SETBP1: variants seen among roughly 807,000 people sequenced by gnomAD.
SETBP1 encodes SET binding protein 1.
In SETBP1, 9 loss-of-function variants were observed where a neutral mutation model predicts 101.0. The ratio of observed to expected loss-of-function variants is 0.09; its 90% CI spans 0.05 to 0.16. The LOEUF (loss-of-function observed/expected upper bound fraction) is 0.16, where lower values mean the gene tolerates loss of function less well. Among genes scored for constraint, SETBP1 ranks in the 10% least tolerant of loss-of-function variants. The probability of loss-of-function intolerance (pLI) is 1.00; values close to 1 mark genes in which losing one functional copy is unlikely to be tolerated. For synonymous variants in SETBP1, 818 were observed against 788.5 expected (o/e 1.04, Z -0.63); for missense variants, 1,858 against 2,033.8 (o/e 0.91, Z 1.66).
intron 3 of SETBP1, chr18:44,876,717 T>C: frequency 6.5e-7 from 1 of 1,546,146 alleles, no homozygotes; most frequent in Non-Finnish European, 8.7e-7. Context: ...CTCTTCCTTT[T>C]CACAGTGAAC....
intron 2 of SETBP1, among the ~76,000 whole-genome samples, chr18:44,713,256 C>T (rs972932234): frequency 5.5e-4 from 84 of 152,064 alleles, no homozygotes; most frequent in African/African-American, 1.8e-3. Flanking sequence ...CGCGCCCGGC[C>T]TCAGCATCCC....
chr18:44,805,493 A>G (rs913849297), intron 2 of SETBP1, among the ~76,000 whole-genome samples: 1 of 151,704 alleles, frequency 6.6e-6, no homozygotes, highest in Non-Finnish European at 1.5e-5. Flanking sequence ...CAGTTATTCA[A>G]TTCTATGCTC....
chr18:45,001,444 A>G (rs547580779), intron 4 of SETBP1, among the ~76,000 whole-genome samples: 2 of 152,346 alleles, frequency 1.3e-5, no homozygotes, highest in South Asian at 4.1e-4. Context: ...AGGAAAGCCA[A>G]TACTGACTCC....
intron 2 of SETBP1, among the ~76,000 whole-genome samples, chr18:44,773,136 T>A (rs1379027254): frequency 6.6e-6 from 1 of 152,166 alleles, no homozygotes; most frequent in Non-Finnish European, 1.5e-5. Flanking sequence ...TTCATAATTA[T>A]CCATCTAAAA....
chr18:44,745,084 C>G (rs1007600641), intron 2 of SETBP1, among the ~76,000 whole-genome samples: 9 of 152,172 alleles, frequency 5.9e-5, no homozygotes, highest in Non-Finnish European at 1.0e-4. Context: ...TACTACCACC[C>G]AAACACCAGC....
chr18:44,812,234 T>C (rs2071879292), intron 2 of SETBP1, among the ~76,000 whole-genome samples: 1 of 152,110 alleles, frequency 6.6e-6, no homozygotes, highest in East Asian at 1.9e-4. Flanking sequence ...CACCGCCACA[T>C]ACACCCCTGC....
At chr18:45,040,314 C>A (rs1471948756) in intron 5 of SETBP1, among the ~76,000 whole-genome samples, 1 of 150,604 alleles carries the variant, frequency 6.6e-6, no homozygotes, top group Non-Finnish European at 1.5e-5. Context: ...ACTCCTGAGA[C>A]TTGATGGATT....
At chr18:44,824,956 T>C (rs2072201903) in intron 2 of SETBP1, among the ~76,000 whole-genome samples, 1 of 152,232 alleles carries the variant, frequency 6.6e-6, no homozygotes, top group South Asian at 2.1e-4. Context: ...TGCTCTTACT[T>C]GGAGTAGCTG....
At chr18:44,748,526 C>T (rs971970785) in intron 2 of SETBP1, among the ~76,000 whole-genome samples, 5 of 152,234 alleles carry the variant, frequency 3.3e-5, no homozygotes, top group Non-Finnish European at 2.9e-5. Context: ...CGTGGTCAAA[C>T]TTCAAGTAGC....
intron 5 of SETBP1, among the ~76,000 whole-genome samples, chr18:45,043,092 T>C (rs537778567): frequency 6.6e-6 from 1 of 152,350 alleles, no homozygotes; most frequent in Non-Finnish European, 1.5e-5. Context: ...AGATAATCCA[T>C]ACCTGAATAA....
intron 3 of SETBP1, among the ~76,000 whole-genome samples, chr18:44,902,350 G>A (rs187964118): frequency 6.6e-6 from 1 of 151,996 alleles, no homozygotes; most frequent in Admixed American, 6.5e-5. Flanking sequence ...ACATTATATA[G>A]TCTAATTGCT....
At chr18:45,051,622 C>T (rs1175385644) in intron 5 of SETBP1, among the ~76,000 whole-genome samples, 2 of 152,150 alleles carry the variant, frequency 1.3e-5, no homozygotes, top group Non-Finnish European at 2.9e-5. Flanking sequence ...CCTTCCCCCG[C>T]TTCTCTCTCT....
chr18:44,790,846 G>GTTT (rs77173164), intron 2 of SETBP1, among the ~76,000 whole-genome samples: 2,222 of 152,130 alleles, frequency 0.015, 47 homozygotes, highest in African/African-American at 0.051. Flanking sequence ...CCTAAACTTT[G>GTTT]GGGAGATAAA....
At position 44,952,406 on chromosome 18, in the gene SETBP1, T is replaced by A; in HGVS notation, c.3066T>A (p.Pro1022=). The part of the protein sequence containing the change: ...DLKSKKKRGR[P]AKTNDTMTKV... ...AGTCAAAGAAGAAGCGTGGTAGGCCTGCAAAAACCAATGACACCATGACAA... is the reference window on the plus strand; with the variant it reads ...AGTCAAAGAAGAAGCGTGGTAGGCCAGCAAAAACCAATGACACCATGACAA... The change falls in exon 4 of 6, where the codon CCT becomes CCA. Residue 1022 remains proline (P), a synonymous_variant. Coordinates refer to ENST00000649279, the MANE Select transcript of SETBP1 (RefSeq NM_015559.3). 1 of 1,614,184 alleles carries A rather than the reference T, an allele frequency of 6.2e-7. No homozygotes were observed. The highest frequency in any genetic ancestry group is 8.5e-7 in the Non-Finnish European group (1 of 1,180,038).
chr18:44,698,976 A>T (rs2144178828), intron 1 of SETBP1, among the ~76,000 whole-genome samples: 1 of 152,208 alleles, frequency 6.6e-6, no homozygotes, highest in South Asian at 2.1e-4. Flanking sequence ...TCTTTTTTTA[A>T]TGGAAGATAT....
chr18:44,855,289 ATTTG>A (rs772397706), intron 2 of SETBP1, among the ~76,000 whole-genome samples: 22 of 150,866 alleles, frequency 1.5e-4, no homozygotes, highest in African/African-American at 4.4e-4. Flanking sequence ...TGGGGTTTTT[ATTTG>A]TTTGTTTTTT....
chr18:44,790,928 A>G (rs1487301365), intron 2 of SETBP1, among the ~76,000 whole-genome samples: 2 of 152,224 alleles, frequency 1.3e-5, no homozygotes, highest in African/African-American at 2.4e-5. Flanking sequence ...GCAGTTGTCT[A>G]TTTAAAAAAA....
chr18:44,982,518 A>C (rs2072137641), intron 4 of SETBP1, among the ~76,000 whole-genome samples: 1 of 152,204 alleles, frequency 6.6e-6, no homozygotes, highest in African/African-American at 2.4e-5. Context: ...GAGTTGTTGA[A>C]AAGCATATTC....
intron 2 of SETBP1, among the ~76,000 whole-genome samples, chr18:44,804,169 T>C (rs2071676033): frequency 6.6e-6 from 1 of 152,126 alleles, no homozygotes; most frequent in South Asian, 2.1e-4. Context: ...TTGAACAAGT[T>C]AATCTCTTAT....
Sources: allele counts gnomAD v4.1 joint callset (sites outside exome capture counted in the v4.1 genomes callset), GRCh38; gene constraint gnomAD v4.1.1; transcripts MANE v1.5; gene names NCBI Gene and HGNC (gene_info 2026-07-23, HGNC 2026-07-21).